The following NBAS variants were observed in gnomAD, a reference collection of about 807,000 sequenced individuals.
NBAS encodes NBAS subunit of NRZ tethering complex.
NBAS carries 219 observed loss-of-function variants against 302.5 expected under a neutral mutation model. The observed-to-expected ratio is 0.72, with a 90% CI of 0.65 to 0.81. NBAS has a LOEUF of 0.81. NBAS is among the 30% of genes least tolerant of loss of function. The pLI is 0.00. For missense variants in NBAS, 2,932 were observed against 2,841.6 expected, an observed-to-expected ratio of 1.03 and a Z score of -0.72; for synonymous variants, 1,118 against 1,021.6, an observed-to-expected ratio of 1.09 and a Z score of -1.80.
chr2:15,270,399 G>A (rs1033627359), intron 44 of NBAS, among the ~76,000 whole-genome samples: 16 of 151,996 alleles, frequency 1.1e-4, no homozygotes, highest in African/African-American at 2.9e-4. Flanking sequence ...TCCTGACCTC[G>A]AGATCCACCC....
chr2:15,425,307 G>A (rs994358832), intron 22 of NBAS, among the ~76,000 whole-genome samples: 1 of 152,198 alleles, frequency 6.6e-6, no homozygotes, highest in African/African-American at 2.4e-5. Context: ...GAGCTTTGGA[G>A]TCAGAATAGA....
intron 6 of NBAS, among the ~76,000 whole-genome samples, chr2:15,543,460 T>C (rs1271665514): frequency 1.3e-5 from 2 of 152,344 alleles, no homozygotes; most frequent in East Asian, 3.9e-4. Flanking sequence ...ATTTGTTTGT[T>C]ATATCAGTCC....
the NBAS span, among the ~76,000 whole-genome samples, chr2:15,055,704 T>C: frequency 6.6e-6 from 1 of 152,080 alleles, no homozygotes; most frequent in Non-Finnish European, 1.5e-5. Context: ...GGGAGGTTGT[T>C]TACACATAGG....
chr2:15,474,450 G>T, intron 14 of NBAS, 126 bp from the exon 15 acceptor site: 1 of 1,011,922 alleles, frequency 9.9e-7, no homozygotes, highest in Non-Finnish European at 1.4e-6. Context: ...ATGTGATCAA[G>T]ATTAACAATG....
At chr2:15,184,358 T>G (rs1664972126) in intron 50 of NBAS, among the ~76,000 whole-genome samples, 1 of 152,148 alleles carries the variant, frequency 6.6e-6, no homozygotes, top group Admixed American at 6.5e-5. Context: ...TTTCTATTAG[T>G]ATTACACTGT....
the NBAS span, among the ~76,000 whole-genome samples, chr2:15,083,245 C>T: frequency 1.3e-5 from 2 of 152,214 alleles, no homozygotes; most frequent in Admixed American, 6.5e-5. Context: ...AGTGGGTTTC[C>T]ACTTTCGCAA....
At chr2:14,888,094 A>G in the NBAS span, among the ~76,000 whole-genome samples, 1 of 152,120 alleles carries the variant, frequency 6.6e-6, no homozygotes, top group Non-Finnish European at 1.5e-5. Flanking sequence ...AGTCTGAAAC[A>G]GGAGTGACTG....
At chr2:15,129,104 C>T in the NBAS span, among the ~76,000 whole-genome samples, 9 of 152,254 alleles carry the variant, frequency 5.9e-5, no homozygotes, top group Non-Finnish European at 1.2e-4. Flanking sequence ...ACGGGTCTGG[C>T]CTCAGTGCCA....
In NBAS at chr2:15,471,651, T is replaced by C. The variant is rs568465010; in HGVS notation, c.1725+1571A>G. On this transcript the variant is annotated intron_variant, in intron 16 of 51. Transcript: ENST00000281513. ...ATCAATATGTCCCCCAAAATCCATA[T>C]GTTGAAAAACTAATCCCCAGAGTGA... Among the ~76,000 whole-genome samples, 4 of 152,284 alleles carry C rather than the reference T, an allele frequency of 2.6e-5. No homozygotes were observed. The East Asian group carries it at 7.7e-4, about 29-fold the overall frequency.
chr2:15,395,744 T>C (rs1417727281), intron 27 of NBAS, among the ~76,000 whole-genome samples: 1 of 152,118 alleles, frequency 6.6e-6, no homozygotes, highest in Non-Finnish European at 1.5e-5. Context: ...GACCACAGTT[T>C]ATTATTCTTA....
chr2:15,363,949 G>A (rs959965052), intron 32 of NBAS, among the ~76,000 whole-genome samples: 5 of 152,114 alleles, frequency 3.3e-5, no homozygotes, highest in African/African-American at 1.2e-4. Flanking sequence ...GAATCAGATC[G>A]CTCTAGGAGA....
the NBAS span, among the ~76,000 whole-genome samples, chr2:14,972,706 C>A: frequency 6.6e-6 from 1 of 152,174 alleles, no homozygotes; most frequent in Non-Finnish European, 1.5e-5. Flanking sequence ...AGCAGTGTTG[C>A]CTCTCAAAGA....
intron 6 of NBAS, among the ~76,000 whole-genome samples, chr2:15,545,184 C>A (rs536504930): frequency 2.5e-4 from 38 of 151,970 alleles, no homozygotes; most frequent in Admixed American, 1.4e-3. Flanking sequence ...TTAAATTAGA[C>A]GTAATTAACA....
At position 15,488,996 on chromosome 2, in the gene NBAS, A is replaced by T. The variant is rs780846816; in HGVS notation, c.981T>A (p.Ser327=). ...TGGCTGCCAGGAGCATCCCATCTGG[A>T]GAAAGGCTCATCTTAAAAATTCCAT... The part of the protein sequence containing the change: ...EQDGIFKMSL[S]PDGMLLAAIH... The change falls in exon 12 of 52, where the codon TCT becomes TCA. Residue 327 remains serine (S), a synonymous_variant. Coordinates refer to ENST00000281513, the MANE Select transcript of NBAS (RefSeq NM_015909.4). The T allele has an allele frequency of 6.2e-7, 1 of 1,613,774 alleles. No homozygotes were observed. Among genetic ancestry groups the T allele is most frequent in the Non-Finnish European group, 8.5e-7 (1 of 1,179,774 alleles).
chr2:15,489,949 T>C (rs1340566767), intron 11 of NBAS, among the ~76,000 whole-genome samples: 1 of 152,144 alleles, frequency 6.6e-6, no homozygotes, highest in Admixed American at 6.5e-5. Flanking sequence ...CCCACAACCA[T>C]ATCTCTTCTG....
In NBAS at chr2:15,374,362, G is replaced by A. The variant is rs185763070; in HGVS notation, c.3703+246C>T. Among the ~76,000 whole-genome samples, 25 of 151,984 alleles carry A rather than the reference G, an allele frequency of 1.6e-4. No homozygotes were observed. The East Asian group carries it at 2.9e-3, about 18-fold the overall frequency. On this transcript the variant is annotated intron_variant, in intron 31 of 51. Coordinates refer to ENST00000281513, the MANE Select transcript of NBAS (RefSeq NM_015909.4). ...TCTATACCCTCACTGCTCTGTTACC[G>A]ATGTTATTTCTTTAAATGTTATACA...
chr2:14,860,663 G>A, the NBAS span, among the ~76,000 whole-genome samples: 8,434 of 152,242 alleles, frequency 0.055, 286 homozygotes, highest in African/African-American at 0.073. Flanking sequence ...TAGATTGGCA[G>A]TTACCAGAGG....
intron 23 of NBAS, among the ~76,000 whole-genome samples, chr2:15,419,389 T>TTG (rs987052116): frequency 2.0e-5 from 3 of 150,688 alleles, no homozygotes; most frequent in African/African-American, 4.9e-5. Context: ...AAAGTAAAAA[T>TTG]TGTGTGTGTG....
chr2:15,365,615 G>A (rs1312228922), intron 32 of NBAS, among the ~76,000 whole-genome samples: 1 of 152,120 alleles, frequency 6.6e-6, no homozygotes. Flanking sequence ...CAGTCACACT[G>A]CCATCACATT....
Sources: allele counts gnomAD v4.1 joint callset (sites outside exome capture counted in the v4.1 genomes callset), GRCh38; gene constraint gnomAD v4.1.1; transcripts MANE v1.5; gene names NCBI Gene and HGNC (gene_info 2026-07-23, HGNC 2026-07-21).